Variants in PLPP3 observed in about 807,000 individuals in gnomAD.
The protein encoded by PLPP3 is phospholipid phosphatase 3, also known as PAP2 beta.
Under a neutral mutation model 29.6 loss-of-function variants are expected in PLPP3, and 6 were observed. The observed-to-expected ratio is 0.20, with a 90% CI of 0.11 to 0.40. PLPP3 has a LOEUF of 0.40. Among genes scored for constraint, PLPP3 ranks in the 10% least tolerant of loss-of-function variants. The probability of loss-of-function intolerance (pLI) is 1.00; values close to 1 mark genes in which losing one functional copy is unlikely to be tolerated. For synonymous variants in PLPP3, 152 were observed against 159.7 expected, an observed-to-expected ratio of 0.95 and a Z score of 0.36; for missense variants, 308 against 407.7, an observed-to-expected ratio of 0.76 and a Z score of 2.11.
At chr1:56,551,261 A>C (rs968237127) in intron 1 of PLPP3, among the ~76,000 whole-genome samples, 2 of 91,140 alleles carry the variant, frequency 2.2e-5, no homozygotes, top group Admixed American at 1.2e-4. Flanking sequence ...AGAAATCAAA[A>C]ATGGCTTTCT....
intron 5 of PLPP3, among the ~76,000 whole-genome samples, chr1:56,502,892 C>T (rs573387205): frequency 6.6e-6 from 1 of 152,308 alleles, no homozygotes; most frequent in Non-Finnish European, 1.5e-5. Flanking sequence ...ATGGCTGTTG[C>T]TCCTTTTGCA....
At chr1:56,542,251 A>C (rs1645976049) in intron 1 of PLPP3, among the ~76,000 whole-genome samples, 1 of 152,162 alleles carries the variant, frequency 6.6e-6, no homozygotes, top group South Asian at 2.1e-4. Context: ...TGGAGTGTAA[A>C]AAAACACAGA....
intron 1 of PLPP3, among the ~76,000 whole-genome samples, chr1:56,548,739 G>A (rs1646020820): frequency 6.6e-6 from 1 of 152,156 alleles, no homozygotes; most frequent in Admixed American, 6.5e-5. Flanking sequence ...TAAAGTGAGA[G>A]CACTGAGGAT....
chr1:56,579,455 C>T lies in PLPP3; in HGVS notation c.-439G>A, dbSNP rs544444716. 1.6e-5 allele frequency: 3 copies of T among 182,372 alleles called. No individual in the cohort carries two copies. The highest frequency in any genetic ancestry group is 3.4e-5 in the Non-Finnish European group (3 of 87,966). 11.3% of individuals were successfully genotyped at this position (182,372 alleles called of 1,614,324 possible). On this transcript the variant is annotated 5_prime_UTR_variant, in exon 1 of 6. Coordinates refer to ENST00000371250, the MANE Select transcript of PLPP3 (RefSeq NM_003713.5). The stretch of plus-strand genomic sequence containing the variant: ...AGCAACTCCGGAGCGCCAGCCCCAA[C>T]TCTAACTTTGCCTCCTCCTCCTCCT...
chr1:56,566,996 T>C (rs966525318), intron 1 of PLPP3, among the ~76,000 whole-genome samples: 4 of 152,348 alleles, frequency 2.6e-5, no homozygotes, highest in East Asian at 1.9e-4. Flanking sequence ...TTCTATTTCA[T>C]GCCTTTAAAA....
chr1:56,518,715 TTATATATA>T (rs145573744), intron 4 of PLPP3, among the ~76,000 whole-genome samples: 1,552 of 126,690 alleles, frequency 0.012, 63 homozygotes, highest in African/African-American at 0.041. Context: ...TTTTAATCAT[TTATATATA>T]TATATATATA....
chr1:56,503,950 G>GT (rs892787843), intron 5 of PLPP3, among the ~76,000 whole-genome samples: 1 of 151,950 alleles, frequency 6.6e-6, no homozygotes, highest in African/African-American at 2.4e-5. Context: ...GCCAATTTTT[G>GT]TATTTTTTTA....
chr1:56,558,017 G>A (rs1207351489), intron 1 of PLPP3, among the ~76,000 whole-genome samples: 1 of 152,202 alleles, frequency 6.6e-6, no homozygotes, highest in African/African-American at 2.4e-5. Context: ...GGCAGCAGAA[G>A]GCTTTGCCAG....
At chr1:56,530,179 T>C (rs1393684458) in intron 2 of PLPP3, among the ~76,000 whole-genome samples, 1 of 152,082 alleles carries the variant, frequency 6.6e-6, no homozygotes, top group East Asian at 1.9e-4. Flanking sequence ...TTTGTTACTA[T>C]TTCTAAATGT....
chr1:56,572,903 G>A (rs1010599005), intron 1 of PLPP3, among the ~76,000 whole-genome samples: 1 of 152,168 alleles, frequency 6.6e-6, no homozygotes, highest in African/African-American at 2.4e-5. Flanking sequence ...TTTTACAGAT[G>A]AGGAAACTGA....
intron 5 of PLPP3, 38 bp from the exon 6 acceptor site, chr1:56,496,714 C>G: frequency 6.2e-7 from 1 of 1,609,794 alleles, no homozygotes; most frequent in Non-Finnish European, 8.5e-7. Flanking sequence ...CAGTAACTGA[C>G]ATCGGGGGTC....
At chr1:56,549,035 T>C (rs1394840739) in intron 1 of PLPP3, among the ~76,000 whole-genome samples, 1 of 152,220 alleles carries the variant, frequency 6.6e-6, no homozygotes, top group Admixed American at 6.5e-5. Context: ...GGAGCCCGTC[T>C]AGTTCCTAAA....
intron 2 of PLPP3, among the ~76,000 whole-genome samples, chr1:56,527,657 G>A (rs754664170): frequency 4.6e-5 from 7 of 152,146 alleles, no homozygotes; most frequent in Non-Finnish European, 1.0e-4. Context: ...GAGTGAATGA[G>A]CAACAAATTA....
chr1:56,509,443 C>A (rs543489196), intron 5 of PLPP3, among the ~76,000 whole-genome samples: 1 of 152,242 alleles, frequency 6.6e-6, no homozygotes, highest in South Asian at 2.1e-4. Context: ...AATCGTGGTG[C>A]AGCTGTCTAT....
At chr1:56,529,111 T>C (rs1018233236) in intron 2 of PLPP3, among the ~76,000 whole-genome samples, 1 of 152,024 alleles carries the variant, frequency 6.6e-6, no homozygotes, top group Non-Finnish European at 1.5e-5. Flanking sequence ...CACTTTCACA[T>C]CCACTATACT....
At position 56,525,821 on chromosome 1, in the gene PLPP3, C is replaced by T. The variant is rs921822851; in HGVS notation, c.298-1267G>A. Among the ~76,000 whole-genome samples, 4 of 152,080 alleles carry T rather than the reference C, an allele frequency of 2.6e-5. No individual in the cohort carries two copies. In the South Asian group the frequency reaches 6.2e-4, roughly 24 times the overall value. On this transcript the variant is annotated intron_variant, in intron 2 of 5. Transcript: ENST00000371250. ...AAGGGAAGCAATAGTCTGGCATATC[C>T]GGACACTCCTTTGCAAAGGCTCCCA...
At chr1:56,576,632 G>A (rs1646237341) in intron 1 of PLPP3, among the ~76,000 whole-genome samples, 1 of 152,202 alleles carries the variant, frequency 6.6e-6, no homozygotes. Context: ...AAGTAGCTAT[G>A]TGCCTCTATA....
Position 56,496,387 on chromosome 1 carries a change from A to T in PLPP3, c.*164T>A. On this transcript the variant is annotated 3_prime_UTR_variant, in exon 6 of 6. Coordinates refer to ENST00000371250, the MANE Select transcript of PLPP3 (RefSeq NM_003713.5). ...TGTTGTTTCCACATAGGCAAACACT[A>T]CCTATTTTGGAAGGCCACATAGTAA... 1 of 737,540 alleles carries T rather than the reference A, an allele frequency of 1.4e-6. No homozygotes were observed. The highest frequency in any genetic ancestry group is 2.1e-6 in the Non-Finnish European group (1 of 472,342). 45.7% of individuals were successfully genotyped at this position (737,540 alleles called of 1,614,324 possible).
At chr1:56,571,801 G>A (rs1646200370) in intron 1 of PLPP3, among the ~76,000 whole-genome samples, 1 of 152,124 alleles carries the variant, frequency 6.6e-6, no homozygotes, top group South Asian at 2.1e-4. Context: ...GAAAAGTGGG[G>A]CAGCAAGGTA....
Sources: allele counts gnomAD v4.1 joint callset (sites outside exome capture counted in the v4.1 genomes callset), GRCh38; gene constraint gnomAD v4.1.1; transcripts MANE v1.5; gene names NCBI Gene and HGNC (gene_info 2026-07-23, HGNC 2026-07-21).